The following GALNTL5 variants were observed in gnomAD, a reference collection of about 807,000 sequenced individuals.
GALNTL5 encodes polypeptide N-acetylgalactosaminyltransferase like 5, also known as inactive polypeptide N-acetylgalactosaminyltransferase-like protein 5.
In GALNTL5, 44 loss-of-function variants were observed where a neutral mutation model predicts 51.0. The ratio of observed to expected loss-of-function variants is 0.86; its 90% CI spans 0.68 to 1.11. The LOEUF (loss-of-function observed/expected upper bound fraction) is 1.11. GALNTL5 is among the 50% of genes least tolerant of loss of function. GALNTL5 has a pLI of 0.00. For missense variants in GALNTL5, 528 were observed against 531.8 expected (o/e 0.99, Z 0.07); for synonymous variants, 192 against 182.8 (o/e 1.05, Z -0.41).
At chr7:151,991,369 G>A (rs1237297951) in intron 5 of GALNTL5, among the ~76,000 whole-genome samples, 1 of 152,186 alleles carries the variant, frequency 6.6e-6, no homozygotes, top group Non-Finnish European at 1.5e-5. Context: ...GGGATTACAG[G>A]CGTGAGCCAC....
In GALNTL5 at chr7:152,019,746, A is replaced by G. The variant is rs758879660; in HGVS notation, c.1277A>G (p.Gln426Arg). Reference sequence around the variant, plus strand: ...AAACGACTGGGTTGCAAGTCATTTCAGTGGTATTTGGATAATGTCTTCCCA... The same window carrying G: ...AAACGACTGGGTTGCAAGTCATTTCGGTGGTATTTGGATAATGTCTTCCCA... ...LRKRLGCKSF[Q>R]WYLDNVFPEL... The change falls in exon 9 of 9, where the codon CAG (glutamine) becomes CGG (arginine). Residue 426 changes from glutamine (Q) to arginine (R), a missense_variant. By Grantham distance (43) the Gln-to-Arg change is conservative. Coordinates refer to ENST00000392800, the MANE Select transcript of GALNTL5 (RefSeq NM_145292.4). The G allele has an allele frequency of 2.5e-6, 4 of 1,613,822 alleles. No homozygotes were observed. The highest frequency in any genetic ancestry group is 1.7e-5 in the Admixed American group (1 of 59,998).
At chr7:151,961,994 T>C (rs1014601408) in intron 1 of GALNTL5, among the ~76,000 whole-genome samples, 9 of 142,198 alleles carry the variant, frequency 6.3e-5, no homozygotes, top group African/African-American at 2.0e-4. Flanking sequence ...TTTCTTATGA[T>C]AGTTACCTTC....
intron 8 of GALNTL5, among the ~76,000 whole-genome samples, chr7:152,019,388 G>A (rs1370686631): frequency 6.6e-6 from 1 of 152,160 alleles, no homozygotes; most frequent in Non-Finnish European, 1.5e-5. Context: ...TGCTTCTTTG[G>A]CTCCTGAGAA....
intron 1 of GALNTL5, chr7:151,960,501 C>T (rs2080978446): frequency 6.6e-6 from 1 of 152,252 alleles, no homozygotes. Flanking sequence ...GACTATTCGA[C>T]TAAGATTTGC....
chr7:152,002,761 T>TG lies in GALNTL5; in HGVS notation c.708dup (p.Leu237AlafsTer24). ...CAGCCACTGTGAGGTGAACAGAGTA[T>TG]GGCTGGAGCCCCTGCTGCATGCCAT... On this transcript the variant is annotated frameshift_variant, in exon 6 of 9. Transcript: ENST00000392800. LOFTEE classifies it high-confidence loss of function. The TG allele has an allele frequency of 1.2e-6, 2 of 1,614,164 alleles. No homozygotes were observed. The highest frequency in any genetic ancestry group is 1.7e-6 in the Non-Finnish European group (2 of 1,180,008).
rs563250834 is a variant in GALNTL5, at chr7:152,017,843, CT to C, written c.1177-1792del. ...TCTTGACAATCCTCAAATGAGAATT[CT>C]TTTTTTTTTTCTTTCTTTTGAAACA... On this transcript the variant is annotated intron_variant, in intron 8 of 8. Transcript: ENST00000392800. Among the ~76,000 whole-genome samples the C allele has an allele frequency of 7.7e-4, 113 of 147,114 alleles. 2 individuals carry two copies. In the South Asian group the frequency reaches 9.9e-3, roughly 13 times the overall value.
intron 3 of GALNTL5, 22 bp downstream of exon 3, chr7:151,971,087 C>G (rs775210174): frequency 2.6e-6 from 4 of 1,563,182 alleles, no homozygotes; most frequent in Admixed American, 1.7e-5. Context: ...CTCTCTTTCT[C>G]TCATTCTCTA....
chr7:151,979,106 C>CCTTTTTTTTTTTTT lies in GALNTL5; in HGVS notation c.369-3880_369-3879insCTTTTTTTTTTTTT, dbSNP rs1554405638. ...AAAGGCCATCCAAATTACTTTTACT[C>CCTTTTTTTTTTTTT]TTTTTTTTTTTTTTTTTTTTGGAGA... is the stretch of plus-strand genomic sequence containing the variant. On this transcript the variant is annotated intron_variant, in intron 3 of 8. Coordinates refer to ENST00000392800, the MANE Select transcript of GALNTL5 (RefSeq NM_145292.4). Among the ~76,000 whole-genome samples, 2 of 71,164 alleles carry CCTTTTTTTTTTTTT rather than the reference C, an allele frequency of 2.8e-5. 1 individual carries two copies. The allele number at this position is 71,164 out of a possible 152,430, so 46.7% of individuals were successfully genotyped here.
intron 6 of GALNTL5, 42 bp downstream of exon 6, chr7:152,003,005 A>G (rs1184068291): frequency 6.4e-7 from 1 of 1,570,446 alleles, no homozygotes; most frequent in African/African-American, 1.4e-5. Flanking sequence ...GCATACGTGT[A>G]TTGAGACCCA....
Position 151,988,344 on chromosome 7 carries a change from C to T in GALNTL5, c.658+1063C>T, listed in dbSNP as rs143184830. ...GGCCTCCTACGATCACGCCTCCTGC[C>T]GCATGTAGGGGAATGTTGGCAGAAC... On this transcript the variant is annotated intron_variant, in intron 5 of 8. Coordinates refer to ENST00000392800, the MANE Select transcript of GALNTL5 (RefSeq NM_145292.4). 4.1e-3 allele frequency among the ~76,000 whole-genome samples: 619 copies of T among 152,250 alleles called. 6 individuals carry two copies. The highest frequency in any genetic ancestry group is 0.014 in the African/African-American group (588 of 41,548).
At chr7:152,007,492 C>T (rs4726131) in intron 6 of GALNTL5, among the ~76,000 whole-genome samples, 45,493 of 145,678 alleles carry the variant, frequency 0.31, 7,794 homozygotes, top group Non-Finnish European at 0.4. Flanking sequence ...GATCTCAGCT[C>T]ACTGCAACCT....
At chr7:152,009,797 A>G (rs920065753) in intron 7 of GALNTL5, among the ~76,000 whole-genome samples, 7 of 152,164 alleles carry the variant, frequency 4.6e-5, no homozygotes, top group African/African-American at 1.7e-4. Flanking sequence ...CTGATCGCCG[A>G]GGGTCTGTGC....
intron 5 of GALNTL5, among the ~76,000 whole-genome samples, chr7:151,994,758 C>A (rs554470124): frequency 3.1e-5 from 2 of 64,644 alleles, no homozygotes; most frequent in East Asian, 1.1e-3. Context: ...CACCCTTACC[C>A]CCAATTTTTT....
intron 5 of GALNTL5, among the ~76,000 whole-genome samples, chr7:151,990,544 G>T (rs1234770756): frequency 9.5e-6 from 1 of 105,084 alleles, no homozygotes; most frequent in Admixed American, 1.4e-4. Context: ...TTGCGCCACT[G>T]CACTCCAGCC....
chr7:151,982,294 A>G (rs1053342944), intron 3 of GALNTL5, among the ~76,000 whole-genome samples: 3 of 152,058 alleles, frequency 2.0e-5, no homozygotes, highest in Admixed American at 6.6e-5. Flanking sequence ...CATGCCTGTA[A>G]TCCCAGCTAC....
chr7:151,971,081 C>T lies in GALNTL5; in HGVS notation c.368+16C>T. 6.3e-7 allele frequency: 1 copy of T among 1,591,838 alleles called. No individual in the cohort carries two copies. The highest frequency in any genetic ancestry group is 2.3e-5 in the East Asian group (1 of 44,274). On this transcript the variant is annotated intron_variant, in intron 3 of 8. Coordinates refer to ENST00000392800, the MANE Select transcript of GALNTL5 (RefSeq NM_145292.4). ...GGAGTAAAATGTATGTTGTCTCTCT[C>T]TTTCTCTCATTCTCTAGATAGATAG...
chr7:151,992,479 G>A (rs549297494), intron 5 of GALNTL5, among the ~76,000 whole-genome samples: 28 of 152,218 alleles, frequency 1.8e-4, no homozygotes, highest in African/African-American at 4.1e-4. Flanking sequence ...GCTTCTGGCC[G>A]TGGCTGCCAG....
chr7:152,007,302 T>C (rs1236110113), intron 6 of GALNTL5, among the ~76,000 whole-genome samples: 2 of 152,150 alleles, frequency 1.3e-5, no homozygotes, highest in Non-Finnish European at 2.9e-5. Context: ...ATATATCGCA[T>C]ACACATTTTG....
At chr7:151,973,488 A>T (rs1271199293) in intron 3 of GALNTL5, among the ~76,000 whole-genome samples, 1 of 151,846 alleles carries the variant, frequency 6.6e-6, no homozygotes, top group Non-Finnish European at 1.5e-5. Flanking sequence ...AGAAGATTTA[A>T]TGTCTGCCCC....
Sources: gnomAD v4.1 joint callset for allele counts (sites outside exome capture counted in the v4.1 genomes callset) on GRCh38, gnomAD v4.1.1 for gene constraint, MANE v1.5 for transcripts, NCBI Gene and HGNC (gene_info 2026-07-23, HGNC 2026-07-21) for gene names.